The following ZBTB40 variants were observed in gnomAD, a reference collection of about 807,000 sequenced individuals.
ZBTB40 encodes zinc finger and BTB domain-containing protein 40.
ZBTB40 carries 60 observed loss-of-function variants against 117.5 expected under a neutral mutation model. The observed-to-expected ratio is 0.51, with a 90% CI of 0.41 to 0.63. The LOEUF (loss-of-function observed/expected upper bound fraction) is 0.63. ZBTB40 is among the 30% of genes least tolerant of loss of function. ZBTB40 has a pLI of 0.00. For synonymous variants in ZBTB40, 525 were observed against 577.1 expected (o/e 0.91, Z 1.29); for missense variants, 1,287 against 1,498.5 (o/e 0.86, Z 2.33).
At chr1:22,466,387 C>T (rs1210196576) in intron 1 of ZBTB40, among the ~76,000 whole-genome samples, 1 of 151,926 alleles carries the variant, frequency 6.6e-6, no homozygotes, top group East Asian at 1.9e-4. Context: ...TTCATTTGTC[C>T]CAGATATATA....
At chr1:22,506,464 G>A (rs910027253) in intron 6 of ZBTB40, among the ~76,000 whole-genome samples, 1 of 152,206 alleles carries the variant, frequency 6.6e-6, no homozygotes, top group African/African-American at 2.4e-5. Context: ...TGGTGTTCCT[G>A]TGGCTCAGGA....
intron 13 of ZBTB40, among the ~76,000 whole-genome samples, 183 bp from the exon 14 acceptor site, chr1:22,519,878 G>A (rs978499852): frequency 6.6e-6 from 1 of 152,210 alleles, no homozygotes; most frequent in Non-Finnish European, 1.5e-5. Flanking sequence ...GGATGAAGGT[G>A]GGGGTAGTCA....
chr1:22,481,057 C>T (rs1386275017), intron 1 of ZBTB40, among the ~76,000 whole-genome samples: 1 of 152,110 alleles, frequency 6.6e-6, no homozygotes, highest in African/African-American at 2.4e-5. Flanking sequence ...CCCCTGTAGG[C>T]CACCATGGTC....
intron 1 of ZBTB40, among the ~76,000 whole-genome samples, chr1:22,441,738 C>A (rs1344980423): frequency 6.6e-6 from 1 of 152,174 alleles, no homozygotes; most frequent in Non-Finnish European, 1.5e-5. Context: ...CCACCTCACC[C>A]TCCCAAAATG....
At chr1:22,512,667 T>G (rs1639273101) in intron 11 of ZBTB40, among the ~76,000 whole-genome samples, 2 of 152,144 alleles carry the variant, frequency 1.3e-5, no homozygotes, top group Non-Finnish European at 2.9e-5. Flanking sequence ...GAGAAGGGAA[T>G]GGGGAAGATA....
Position 22,524,234 on chromosome 1 carries a change from G to T in ZBTB40, c.3315G>T (p.Arg1105=). 2 of 1,614,054 alleles carry T rather than the reference G, an allele frequency of 1.2e-6. No homozygotes were observed. Among genetic ancestry groups the T allele is most frequent in the Non-Finnish European group, 8.5e-7 (1 of 1,180,018 alleles). The change falls in exon 17 of 18, where the codon CGG becomes CGT. Residue 1105 remains arginine, a synonymous_variant. Transcript: ENST00000375647. ...CTCCTCCAGGGTCCCAGCCATTCCG[G>T]TGCTTGTACTGTGCTGCTACTTTCC... ...KCQHSGSQPF[R]CLYCAATFRF... is the part of the protein sequence containing the mutation.
At chr1:22,450,653 G>C (rs941688064), upstream of ZBTB40, among the ~76,000 whole-genome samples, 1 of 152,190 alleles carries the variant, frequency 6.6e-6, no homozygotes, top group Non-Finnish European at 1.5e-5. Flanking sequence ...AGAACCGTTT[G>C]AAGTTTATGG....
chr1:22,484,975 T>C (rs574767131), intron 1 of ZBTB40, among the ~76,000 whole-genome samples: 1 of 152,342 alleles, frequency 6.6e-6, no homozygotes, highest in South Asian at 2.1e-4. Flanking sequence ...TGAACCAGCC[T>C]TGCATACCTG....
At chr1:22,503,832 C>T (rs1488557311) in intron 5 of ZBTB40, among the ~76,000 whole-genome samples, 1 of 152,208 alleles carries the variant, frequency 6.6e-6, no homozygotes, top group African/African-American at 2.4e-5. Context: ...CTGATTCCCT[C>T]TTTAGTGATT....
intron 3 of ZBTB40, among the ~76,000 whole-genome samples, chr1:22,493,593 C>A (rs899732304): frequency 3.9e-5 from 6 of 152,078 alleles, no homozygotes; most frequent in Admixed American, 3.9e-4. Context: ...ATCTCCATCA[C>A]CCCCAAAAGT....
intron 9 of ZBTB40, among the ~76,000 whole-genome samples, chr1:22,509,627 G>A (rs1179430858): frequency 6.6e-6 from 1 of 152,234 alleles, no homozygotes; most frequent in Non-Finnish European, 1.5e-5. Context: ...GGGATTACAG[G>A]CGTGAGCCAC....
At chr1:22,482,878 A>G (rs1282596291) in intron 1 of ZBTB40, among the ~76,000 whole-genome samples, 1 of 152,092 alleles carries the variant, frequency 6.6e-6, no homozygotes, top group Non-Finnish European at 1.5e-5. Context: ...GGAGATCGAG[A>G]CCATCCTGGC....
chr1:22,507,454 A>G (rs1639101528), intron 6 of ZBTB40, among the ~76,000 whole-genome samples: 6 of 152,224 alleles, frequency 3.9e-5, no homozygotes, highest in South Asian at 4.1e-4. Flanking sequence ...TTACTGAGCT[A>G]AAGAAAAGGG....
chr1:22,458,399 T>G (rs944727714), intron 1 of ZBTB40, among the ~76,000 whole-genome samples: 6 of 152,216 alleles, frequency 3.9e-5, no homozygotes, highest in Admixed American at 3.3e-4. Flanking sequence ...TGAGCACCAG[T>G]TGAAATCTCT....
chr1:22,432,800 T>A (rs1308616100), intron 1 of ZBTB40, among the ~76,000 whole-genome samples: 1 of 152,218 alleles, frequency 6.6e-6, no homozygotes, highest in Non-Finnish European at 1.5e-5. Flanking sequence ...ATAGCAACTG[T>A]AATGTAAGTG....
chr1:22,506,190 G>C lies in ZBTB40; in HGVS notation c.1309G>C (p.Gly437Arg). Residue 437 changes from glycine to arginine, a missense_variant, in exon 6 of 18, where the codon GGC becomes CGC. Transcript: ENST00000375647. Reference sequence around the variant, plus strand: ...TGTGAAGACGACTTTCCCAAACCTGGGCCTTCTGCTAGAGAAGTTGCAGAA... The same window carrying C: ...TGTGAAGACGACTTTCCCAAACCTGCGCCTTCTGCTAGAGAAGTTGCAGAA... Reference protein sequence around the residue: ...QAVKTTFPNLGLLLEKLQKSA... With the variant: ...QAVKTTFPNLRLLLEKLQKSA... 1.2e-6 allele frequency: 2 copies of C among 1,614,136 alleles called. No individual in the cohort carries two copies. Among genetic ancestry groups the C allele is most frequent in the Non-Finnish European group, 1.7e-6 (2 of 1,180,026 alleles).
chr1:22,508,486 G>C, intron 7 of ZBTB40, 44 bp from the exon 8 acceptor site: 1 of 1,607,180 alleles, frequency 6.2e-7, no homozygotes, highest in Admixed American at 1.7e-5. Context: ...CTGGGCTAGT[G>C]GCTGGAGAGT....
chr1:22,486,712 CA>C (rs369436661), intron 1 of ZBTB40, among the ~76,000 whole-genome samples: 38 of 151,986 alleles, frequency 2.5e-4, no homozygotes, highest in African/African-American at 5.5e-4. Flanking sequence ...TTTGTTCATA[CA>C]TTTTTTTTGT....
chr1:22,463,075 C>A (rs527711994), intron 1 of ZBTB40, among the ~76,000 whole-genome samples: 16 of 152,280 alleles, frequency 1.1e-4, no homozygotes, highest in African/African-American at 3.6e-4. Context: ...CTCATTCATA[C>A]AACTACCTCA....
Sources: allele counts gnomAD v4.1 joint callset (sites outside exome capture counted in the v4.1 genomes callset), GRCh38; gene constraint gnomAD v4.1.1; transcripts MANE v1.5; gene names NCBI Gene and HGNC (gene_info 2026-07-23, HGNC 2026-07-21).